MATK: variants seen among roughly 807,000 people sequenced by gnomAD.
The protein encoded by MATK is megakaryocyte-associated tyrosine-protein kinase.
A neutral mutation model predicts 59.8 loss-of-function variants in MATK; 41 were observed. That is an observed-to-expected ratio of 0.69 (90% confidence interval 0.53 to 0.89). MATK has a LOEUF of 0.89. Ranked by LOEUF, MATK falls within the 40% of genes least tolerant of loss-of-function variation. The probability of loss-of-function intolerance (pLI) is 0.00; values close to 1 mark genes in which losing one functional copy is unlikely to be tolerated. For synonymous variants in MATK, 308 were observed against 306.1 expected, an observed-to-expected ratio of 1.01 and a Z score of -0.06; for missense variants, 593 against 719.6, an observed-to-expected ratio of 0.82 and a Z score of 2.01.
At chr19:3,779,940 C>G in intron 8 of MATK, 143 bp from the exon 9 acceptor site, 2 of 649,510 alleles carry the variant, frequency 3.1e-6, no homozygotes, top group South Asian at 1.7e-5. Context: ...ACACAGACCC[C>G]ATGCTCCTCA....
rs954202839 is a variant in MATK, at chr19:3,778,079, A to G, written c.*104T>C. ...GCCAGCCCCTGCTGTGGGCACCAGG[A>G]GGATGACTTGCCCGCCTGGACCCTC... On this transcript the variant is annotated 3_prime_UTR_variant, in exon 14 of 14. Transcript: ENST00000310132. The G allele has an allele frequency of 1.0e-5, 15 of 1,451,170 alleles. No homozygotes were observed. Among genetic ancestry groups the G allele is most frequent in the Non-Finnish European group, 1.4e-5 (15 of 1,107,656 alleles). 89.9% of individuals were successfully genotyped at this position (1,451,170 alleles called of 1,614,324 possible).
At chr19:3,785,004 G>A in intron 2 of MATK, 60 bp downstream of exon 2, 1 of 1,556,218 alleles carries the variant, frequency 6.4e-7, no homozygotes, top group Admixed American at 1.7e-5. Flanking sequence ...CCTCCCCAGA[G>A]GCATCCTGGA....
rs2037482920 is a variant in MATK at position 3,786,282 on chromosome 19, C to T, written c.-265G>A. 2 of 985,038 alleles carry T rather than the reference C, an allele frequency of 2.0e-6. No individual in the cohort carries two copies. Among genetic ancestry groups the T allele is most frequent in the African/African-American group, 3.5e-5 (2 of 57,202 alleles). The allele number at this position is 985,038 out of a possible 1,614,324, so 61.0% of individuals were successfully genotyped here. A position where few individuals can be genotyped will look rare whatever the true frequency, so the allele number is the denominator to read the frequency against. On this transcript the variant is annotated 5_prime_UTR_variant, in exon 1 of 14. Transcript: ENST00000310132. This position sits in a 1 kb window ranked among gnomAD's most constrained non-coding sequence, Gnocchi z 4.1. ...CTGCACAACTTGGAGCGAGTTGCTC[C>T]GTTTCCTCATTTTGGGGGCGAAGAA...
chr19:3,779,914 G>GT, intron 8 of MATK, 117 bp from the exon 9 acceptor site: 1 of 701,988 alleles, frequency 1.4e-6, no homozygotes, highest in South Asian at 1.6e-5. Context: ...ACAGCTGCGG[G>GT]TCCCCAGACC....
At chr19:3,787,332 G>C (rs1262391038), upstream of MATK, 1 of 151,538 alleles carries the variant, frequency 6.6e-6, no homozygotes, top group African/African-American at 2.4e-5. Context: ...GCCTCAGGAG[G>C]GGGTGAGTTC....
chr19:3,778,173 C>A lies in MATK; in HGVS notation c.*10G>T. 1 of 1,547,294 alleles carries A rather than the reference C, an allele frequency of 6.5e-7. No homozygotes were observed. The highest frequency in any genetic ancestry group is 2.1e-5 in the Admixed American group (1 of 46,744). On this transcript the variant is annotated 3_prime_UTR_variant, in exon 14 of 14. Coordinates refer to ENST00000310132, the MANE Select transcript of MATK (RefSeq NM_139355.3). ...CGGTCCTCTGGGGCCAAGGGCCCCA[C>A]CGGGTGGGGTCAGGGCTCCTGGCTT...
Position 3,779,724 on chromosome 19 carries a change from G to A in MATK, c.816C>T (p.Ala272=). 1 of 1,613,154 alleles carries A rather than the reference G, an allele frequency of 6.2e-7. No individual in the cohort carries two copies. Among genetic ancestry groups the A allele is most frequent in the Non-Finnish European group, 8.5e-7 (1 of 1,179,980 alleles). Residue 272 remains alanine (A), a synonymous_variant, in exon 9 of 14, where the codon GCC becomes GCT. Coordinates refer to ENST00000310132, the MANE Select transcript of MATK (RefSeq NM_139355.3). ...KNIKCDVTAQ[A]FLDETAVMTK... Reference sequence around the variant, plus strand: ...TCATGACGGCCGTCTCGTCCAGGAAGGCCTGGGCTGTCACATCACACTTGA... The same window carrying A: ...TCATGACGGCCGTCTCGTCCAGGAAAGCCTGGGCTGTCACATCACACTTGA...
chr19:3,799,695 G>T (rs1358264066), intron 1 of MATK, among the ~76,000 whole-genome samples: 1 of 152,068 alleles, frequency 6.6e-6, no homozygotes, highest in Non-Finnish European at 1.5e-5. Context: ...AAAAAAATTA[G>T]CTGGGTGTGG....
rs1019817473 is a variant in MATK at position 3,778,244 on chromosome 19, G to A, written c.1463C>T (p.Pro488Leu). The A allele has an allele frequency of 3.2e-6, 5 of 1,576,104 alleles. No homozygotes were observed. The highest frequency in any genetic ancestry group is 4.3e-6 in the Non-Finnish European group (5 of 1,170,978). ...LARELRSAGA[P>L]ASVSGQDADG... is the part of the protein sequence containing the mutation. ...GGCGTCCTGCCCTGAGACGGAGGCTGGGGCACCTGCACTGCGTAGCTCCCG... is the reference window on the plus strand; with the variant it reads ...GGCGTCCTGCCCTGAGACGGAGGCTAGGGCACCTGCACTGCGTAGCTCCCG... The change falls in exon 14 of 14, where the codon CCA (proline) becomes CTA (leucine). Residue 488 changes from proline to leucine, a missense_variant. Pro to Leu is a moderately conservative substitution (Grantham distance 98). Coordinates refer to ENST00000310132, the MANE Select transcript of MATK (RefSeq NM_139355.3).
At position 3,783,903 on chromosome 19, in the gene MATK, C is replaced by T. The variant is rs764228405; in HGVS notation, c.493G>A (p.Asp165Asn). The change falls in exon 6 of 14, where the codon GAC becomes AAC. Residue 165 changes from aspartate (D) to asparagine (N), a missense_variant. By Grantham distance (23) the Asp-to-Asn change is conservative (BLOSUM62 1). Transcript: ENST00000310132. Reference protein sequence around the residue: ...DYVLCVSFGRDVIHYRVLHRD... With the variant: ...DYVLCVSFGRNVIHYRVLHRD... ...TGCAGCACGCGGTAGTGGATGACGT[C>T]GCGGCCAAAGCTCACGCACAGGACG... The T allele has an allele frequency of 7.4e-6, 12 of 1,612,864 alleles. No homozygotes were observed. Among genetic ancestry groups the T allele is most frequent in the African/African-American group, 4.0e-5 (3 of 74,908 alleles).
rs529440534 is a variant in MATK, at chr19:3,791,977, G to A, written c.-57-2573C>T. On this transcript the variant is annotated intron_variant, in intron 1 of 13. Coordinates refer to the MATK transcript ENST00000395045. ...ACAAAAATTAGCTGGGCGTGGCGGC[G>A]GGTGCCTATAATCCCAAGTACTCAG... is the stretch of plus-strand genomic sequence containing the variant. 4.6e-5 allele frequency among the ~76,000 whole-genome samples: 7 copies of A among 152,086 alleles called. No homozygotes were observed. In the East Asian group the frequency reaches 1.2e-3, roughly 25 times the overall value.
chr19:3,788,088 T>TTAA (rs1408927644), upstream of MATK, among the ~76,000 whole-genome samples: 27 of 138,650 alleles, frequency 1.9e-4, no homozygotes, highest in African/African-American at 6.4e-4. Context: ...ATATATTATA[T>TTAA]TATTAATATT....
chr19:3,791,372 G>C (rs1243607773), upstream of MATK, among the ~76,000 whole-genome samples: 2 of 148,426 alleles, frequency 1.3e-5, no homozygotes, highest in Non-Finnish European at 3.0e-5. Context: ...TTGAAACAGA[G>C]TATTGCTCTG....
At chr19:3,798,101 A>G (rs2037611581) in intron 1 of MATK, among the ~76,000 whole-genome samples, 1 of 152,176 alleles carries the variant, frequency 6.6e-6, no homozygotes, top group African/African-American at 2.4e-5. Flanking sequence ...AGGCAAACTT[A>G]TACTTGTTTC....
intron 1 of MATK, among the ~76,000 whole-genome samples, chr19:3,796,113 C>T (rs987978257): frequency 5.3e-5 from 8 of 151,962 alleles, no homozygotes; most frequent in Admixed American, 2.0e-4. Flanking sequence ...AATAAGCTCT[C>T]AAGAAGTGTT....
chr19:3,778,536 TGAG>T lies in MATK; in HGVS notation c.1254_1256del (p.Phe418_Ser419delinsLeu). 1 of 1,613,906 alleles carries T rather than the reference TGAG, an allele frequency of 6.2e-7. No individual in the cohort carries two copies. The highest frequency in any genetic ancestry group is 8.5e-7 in the Non-Finnish European group (1 of 1,179,958). The stretch of plus-strand genomic sequence containing the variant: ...TTTTAGGGTACGGAGCCCGTCCATA[TGAG>T]AAGACCTCCCAGAGCAGCACCCCAA... On this transcript the variant is annotated inframe_deletion, in exon 13 of 14. Transcript: ENST00000310132.
upstream of MATK, among the ~76,000 whole-genome samples, chr19:3,789,694 T>G (rs1599204752): frequency 6.8e-6 from 1 of 147,550 alleles, no homozygotes; most frequent in Admixed American, 6.8e-5. Context: ...CAGGAGGGGG[T>G]GAGGCATCCA....
chr19:3,789,784 GCC>G (rs1491342047), upstream of MATK, among the ~76,000 whole-genome samples: 1,484 of 149,004 alleles, frequency 1.0e-2, 14 homozygotes, highest in Admixed American at 0.015. Context: ...GAGTGCAGTG[GCC>G]TGATCTCGGC....
At chr19:3,792,232 A>G (rs983791455) in intron 1 of MATK, among the ~76,000 whole-genome samples, 2 of 152,162 alleles carry the variant, frequency 1.3e-5, no homozygotes, top group Admixed American at 6.5e-5. Context: ...TTGGATTGCA[A>G]ACTTCTCTAA....
Sources: allele counts gnomAD v4.1 joint callset (sites outside exome capture counted in the v4.1 genomes callset), GRCh38; gene constraint gnomAD v4.1.1; non-coding constraint Gnocchi (gnomAD v3.1); transcripts MANE v1.5; gene names NCBI Gene and HGNC (gene_info 2026-07-23, HGNC 2026-07-21).